The following CFI variants were observed in gnomAD, a reference collection of about 807,000 sequenced individuals.
CFI encodes the protein complement factor I, also known as C3B/C4B inactivator.
In CFI, 66 loss-of-function variants were observed where a neutral mutation model predicts 78.8. That is an observed-to-expected ratio of 0.84 (90% CI 0.69 to 1.03). The LOEUF (loss-of-function observed/expected upper bound fraction) is 1.03, where lower values mean the gene tolerates loss of function less well. Ranked by LOEUF, CFI falls within the 50% of genes least tolerant of loss-of-function variation. The pLI is 0.00. For missense variants in CFI, 706 were observed against 704.5 expected (o/e 1.00, Z -0.02); for synonymous variants, 250 against 232.6 (o/e 1.07, Z -0.68).
At chr4:109,749,075 C>G in intron 10 of CFI, 143 bp downstream of exon 10, 2 of 830,174 alleles carry the variant, frequency 2.4e-6, no homozygotes, top group East Asian at 2.5e-5. Context: ...GAATTCCAGT[C>G]GCGAATACCA....
chr4:109,789,925 G>A (rs10049642), intron 1 of CFI, among the ~76,000 whole-genome samples: 27,170 of 151,936 alleles, frequency 0.18, 4,602 homozygotes, highest in African/African-American at 0.43. Context: ...GAATTCACGA[G>A]TGAAGCCATC....
downstream of CFI, among the ~76,000 whole-genome samples, chr4:109,738,264 A>T (rs1723485636): frequency 6.6e-6 from 1 of 151,812 alleles, no homozygotes; most frequent in Non-Finnish European, 1.5e-5. Context: ...GCAGATGTGC[A>T]CCACCACTCC....
intron 1 of CFI, among the ~76,000 whole-genome samples, chr4:109,780,387 C>A (rs1376494919): frequency 6.6e-6 from 1 of 152,136 alleles, no homozygotes; most frequent in Non-Finnish European, 1.5e-5. Flanking sequence ...CCAACAGACA[C>A]ATGAAAAAAT....
At chr4:109,794,923 C>A (rs1166938350) in intron 1 of CFI, among the ~76,000 whole-genome samples, 1 of 152,154 alleles carries the variant, frequency 6.6e-6, no homozygotes, top group East Asian at 1.9e-4. Flanking sequence ...ACAAAATGTC[C>A]CAGCACTTGT....
rs569877630 is a variant in CFI at position 109,751,190 on chromosome 4, C to A, written c.940+1278G>T. The stretch of plus-strand genomic sequence containing the variant: ...GACTTTGGGGGCTGATTTGTGTGAA[C>A]CTGCCCACTGTGAAACACATGGATA... On this transcript the variant is annotated intron_variant, in intron 8 of 12. Coordinates refer to ENST00000394634, the MANE Select transcript of CFI (RefSeq NM_000204.5). Among the ~76,000 whole-genome samples, 8 of 152,180 alleles carry A rather than the reference C, an allele frequency of 5.3e-5. No homozygotes were observed. The East Asian group carries it at 1.2e-3, about 22-fold the overall frequency.
chr4:109,775,278 G>A (rs962265279), intron 1 of CFI, among the ~76,000 whole-genome samples: 10 of 152,270 alleles, frequency 6.6e-5, no homozygotes, highest in African/African-American at 2.4e-4. Flanking sequence ...ATGGTACCTG[G>A]AAAATTGGGA....
chr4:109,756,295 A>T (rs1260868964), intron 7 of CFI, among the ~76,000 whole-genome samples: 3 of 92,502 alleles, frequency 3.2e-5, no homozygotes, highest in South Asian at 5.8e-4. Context: ...ATCTGAAACT[A>T]GGGAGGGAGG....
At chr4:109,778,876 A>G (rs1034161885) in intron 1 of CFI, among the ~76,000 whole-genome samples, 26 of 152,208 alleles carry the variant, frequency 1.7e-4, no homozygotes, top group African/African-American at 6.3e-4. Context: ...ACCAAAGACA[A>G]AAAACTACAT....
At chr4:109,744,391 A>G (rs1224309814) in intron 11 of CFI, among the ~76,000 whole-genome samples, 1 of 152,114 alleles carries the variant, frequency 6.6e-6, no homozygotes, top group Non-Finnish European at 1.5e-5. Flanking sequence ...TGTGCCTCAG[A>G]CCATTCTCCA....
chr4:109,786,378 TG>T (rs1232571605), intron 1 of CFI, among the ~76,000 whole-genome samples: 2 of 152,034 alleles, frequency 1.3e-5, no homozygotes, highest in Non-Finnish European at 2.9e-5. Context: ...ATTATTTTTA[TG>T]TAAACTTTAT....
intron 1 of CFI, among the ~76,000 whole-genome samples, chr4:109,777,021 C>A (rs563170486): frequency 6.6e-6 from 1 of 152,128 alleles, no homozygotes; most frequent in Non-Finnish European, 1.5e-5. Context: ...CAAAAACATG[C>A]CAAATTGTAA....
chr4:109,760,682 G>A (rs1726946838), intron 4 of CFI, 46 bp from the exon 5 acceptor site: 2 of 1,077,762 alleles, frequency 1.9e-6, no homozygotes, highest in Non-Finnish European at 2.9e-6. Context: ...ATGGAGTGGT[G>A]GCATGACATC....
At chr4:109,793,857 A>G (rs944715961) in intron 1 of CFI, 1 of 152,222 alleles carries the variant, frequency 6.6e-6, no homozygotes, top group African/African-American at 2.4e-5. Flanking sequence ...GGACAGGTCT[A>G]TTAGTAGCTA....
Position 109,801,985 on chromosome 4 carries a change from G to C in CFI, c.-14C>G. 5.6e-6 allele frequency: 9 copies of C among 1,606,050 alleles called. No homozygotes were observed. Among genetic ancestry groups the C allele is most frequent in the Non-Finnish European group, 7.7e-6 (9 of 1,173,050 alleles). On this transcript the variant is annotated 5_prime_UTR_variant, in exon 1 of 13. Coordinates refer to ENST00000394634, the MANE Select transcript of CFI (RefSeq NM_000204.5). ...AAGAAGCTTCATGTTGGAGGTGTTC[G>C]GGGTCTTTGTCTCTGCTGAGAACTC...
At chr4:109,800,212 G>A (rs1171883192) in intron 1 of CFI, among the ~76,000 whole-genome samples, 1 of 150,084 alleles carries the variant, frequency 6.7e-6, no homozygotes, top group Non-Finnish European at 1.5e-5. Flanking sequence ...ATGTGCCTGA[G>A]TTTGTAATAA....
At chr4:109,759,648 A>G (rs1219601005) in intron 6 of CFI, among the ~76,000 whole-genome samples, 1 of 152,156 alleles carries the variant, frequency 6.6e-6, no homozygotes, top group Non-Finnish European at 1.5e-5. Flanking sequence ...TATGCCTGTA[A>G]CCCCAGCACT....
In CFI at chr4:109,795,811, T is replaced by C. The variant is rs566594782; in HGVS notation, c.57+6104A>G. 9.2e-5 allele frequency among the ~76,000 whole-genome samples: 14 copies of C among 152,130 alleles called. No individual in the cohort carries two copies. The South Asian group carries it at 2.9e-3, about 32-fold the overall frequency. ...AGACAGGTTATTTGAAATTATATGG[T>C]CAGAGGAACAAAATGAAAAAGTATA... On this transcript the variant is annotated intron_variant, in intron 1 of 12. Coordinates refer to ENST00000394634, the MANE Select transcript of CFI (RefSeq NM_000204.5).
rs1561298009 is a variant in CFI at position 109,756,957 on chromosome 4, GAAA to G, written c.904+803_904+805del. Among the ~76,000 whole-genome samples, 146 of 132,950 alleles carry G rather than the reference GAAA, an allele frequency of 1.1e-3. 1 individual carries two copies. The highest frequency in any genetic ancestry group is 3.7e-3 in the African/African-American group (136 of 37,114). 87.2% of individuals were successfully genotyped at this position (132,950 alleles called of 152,430 possible). On this transcript the variant is annotated intron_variant, in intron 7 of 12. Coordinates refer to ENST00000394634, the MANE Select transcript of CFI (RefSeq NM_000204.5). ...AGAAAGAAAGAAAGAAAGAAAGAAA[GAAA>G]GAAAGAAAGAAAGAAAGAAATTCTG...
At chr4:109,792,375 A>G (rs1319965921) in intron 1 of CFI, among the ~76,000 whole-genome samples, 1 of 152,156 alleles carries the variant, frequency 6.6e-6, no homozygotes, top group Non-Finnish European at 1.5e-5. Flanking sequence ...CAGGAGTTCA[A>G]GATCAGCCTG....
Sources: gnomAD v4.1 joint callset for allele counts (sites outside exome capture counted in the v4.1 genomes callset) on GRCh38, gnomAD v4.1.1 for gene constraint, MANE v1.5 for transcripts, NCBI Gene and HGNC (gene_info 2026-07-23, HGNC 2026-07-21) for gene names.